UNC80: variants seen among roughly 807,000 people sequenced by gnomAD.
UNC80 encodes protein unc-80 homolog.
A neutral mutation model predicts 384.6 loss-of-function variants in UNC80; 164 were observed. The observed-to-expected ratio is 0.43, with a 90% CI of 0.38 to 0.49. The LOEUF (loss-of-function observed/expected upper bound fraction) is 0.49. Ranked by LOEUF, UNC80 falls within the 20% of genes least tolerant of loss-of-function variation. The pLI, the probability that UNC80 is intolerant of heterozygous loss-of-function variation, is 0.00. For missense variants in UNC80, 3,330 were observed against 4,143.0 expected, an observed-to-expected ratio of 0.80 and a Z score of 5.39; for synonymous variants, 1,486 against 1,527.8, an observed-to-expected ratio of 0.97 and a Z score of 0.64.
At chr2:209,790,869 T>C (rs1400371515) in intron 6 of UNC80, among the ~76,000 whole-genome samples, 4 of 152,306 alleles carry the variant, frequency 2.6e-5, no homozygotes, top group African/African-American at 9.6e-5. Flanking sequence ...TTTCAACTAG[T>C]ATAAAATAAA....
intron 21 of UNC80, among the ~76,000 whole-genome samples, chr2:209,848,642 G>A (rs1463921699): frequency 2.0e-5 from 3 of 152,114 alleles, no homozygotes; most frequent in African/African-American, 7.2e-5. Flanking sequence ...CAATACGATT[G>A]AGTCATTGTG....
intron 3 of UNC80, among the ~76,000 whole-genome samples, chr2:209,776,266 T>C (rs978230172): frequency 1.3e-5 from 2 of 152,226 alleles, no homozygotes; most frequent in African/African-American, 4.8e-5. Flanking sequence ...TTACAAGTAA[T>C]ATATGAATAT....
chr2:209,927,830 A>G (rs1031921204), intron 36 of UNC80, among the ~76,000 whole-genome samples: 5 of 152,202 alleles, frequency 3.3e-5, no homozygotes, highest in Non-Finnish European at 7.3e-5. Flanking sequence ...AGGACATTGT[A>G]CACTGATCAT....
Position 209,775,952 on chromosome 2 carries a change from A to T in UNC80, c.205A>T (p.Ile69Phe). The change falls in exon 3 of 65, where the codon ATC becomes TTC. Residue 69 changes from isoleucine to phenylalanine, a missense_variant. By Grantham distance (21) the Ile-to-Phe change is conservative. Around this residue, in one of 8 missense-constraint regions of UNC80, gnomAD observed 86 missense variants for 141.5 expected, o/e 0.61. Transcript: ENST00000673920. Reference sequence around the variant, plus strand: ...CCTCTCTCCAGCTCTCTCTGAAGCCATCCAGAGCATTTCCAGATGGGAACT... The same window carrying T: ...CCTCTCTCCAGCTCTCTCTGAAGCCTTCCAGAGCATTTCCAGATGGGAACT... Reference protein sequence around the residue: ...HGLSPALSEAIQSISRWELVQ... With the variant: ...HGLSPALSEAFQSISRWELVQ... The T allele has an allele frequency of 1.2e-6, 2 of 1,614,194 alleles. No individual in the cohort carries two copies. The highest frequency in any genetic ancestry group is 1.1e-5 in the South Asian group (1 of 91,086).
rs1364393848 is a variant in UNC80, at chr2:209,820,442, G to T, written c.2094G>T (p.Lys698Asn). 3.9e-6 allele frequency: 6 copies of T among 1,551,600 alleles called. No individual in the cohort carries two copies. Among genetic ancestry groups the T allele is most frequent in the Non-Finnish European group, 4.4e-6 (5 of 1,147,014 alleles). Residue 698 changes from lysine (K) to asparagine (N), a missense_variant, in exon 13 of 65, where the codon AAG (lysine) becomes AAT (asparagine). Lys to Asn is a moderately conservative substitution (Grantham distance 94, BLOSUM62 0). Transcript: ENST00000673920. The part of the protein sequence containing the change: ...VVPCVEKNRK[K>N]SENKENETLE... ...CCTGTGTAGAAAAGAATAGAAAGAA[G>T]AGTGAAAACAAGGAAAATGAGACCT...
chr2:209,978,241 G>T (rs940767821), intron 58 of UNC80, among the ~76,000 whole-genome samples: 2 of 152,044 alleles, frequency 1.3e-5, no homozygotes, highest in African/African-American at 4.8e-5. Context: ...ACCAACCTTG[G>T]AAAATAAAAT....
Position 209,904,966 on chromosome 2 carries a change from G to A in UNC80, c.4782+1G>A. 6.4e-7 allele frequency: 1 copy of A among 1,551,436 alleles called. No homozygotes were observed. The highest frequency in any genetic ancestry group is 8.7e-7 in the Non-Finnish European group (1 of 1,146,820). ...TCTCCGGGGCAAGAAACAGAAAGAA[G>A]TAAGTAAATGACCATTGAATGATAT... On this transcript the variant is annotated splice_donor_variant, in intron 29 of 64. Transcript: ENST00000673920. LOFTEE classifies it high-confidence loss of function.
chr2:209,965,350 T>G (rs963104201), intron 51 of UNC80, among the ~76,000 whole-genome samples: 1 of 152,148 alleles, frequency 6.6e-6, no homozygotes, highest in Non-Finnish European at 1.5e-5. Context: ...GGTTGAGAGA[T>G]GGGTATTTTG....
rs150227928 is a variant in UNC80, at chr2:209,826,649, C to T, written c.2478+596C>T. On this transcript the variant is annotated intron_variant, in intron 14 of 64. Transcript: ENST00000673920. ...AAACTCTGCATTTGGGCTTGCCAAACGTAATTCTGTACTGGAAATGGTCTT... is the reference window on the plus strand; with the variant it reads ...AAACTCTGCATTTGGGCTTGCCAAATGTAATTCTGTACTGGAAATGGTCTT... Among the ~76,000 whole-genome samples, 508 of 152,266 alleles carry T rather than the reference C, an allele frequency of 3.3e-3. 4 individuals are homozygous for T. Among genetic ancestry groups the T allele is most frequent in the Non-Finnish European group, 5.4e-3 (364 of 67,998 alleles).
At chr2:209,922,073 T>C (rs950489626) in intron 34 of UNC80, among the ~76,000 whole-genome samples, 179 bp from the exon 35 acceptor site, 2 of 152,220 alleles carry the variant, frequency 1.3e-5, no homozygotes, top group African/African-American at 4.8e-5. Context: ...TCGGGGGATA[T>C]TTTCTGTCTT....
intron 48 of UNC80, among the ~76,000 whole-genome samples, chr2:209,955,772 C>T (rs1421503703): frequency 7.4e-6 from 1 of 135,616 alleles, no homozygotes; most frequent in Non-Finnish European, 1.5e-5. Context: ...GAGAGACTGA[C>T]TCACTCTGTC....
At chr2:209,978,840 G>A (rs2093079849) in intron 59 of UNC80, 132 bp downstream of exon 59, 1 of 873,476 alleles carries the variant, frequency 1.1e-6, no homozygotes, top group Non-Finnish European at 1.6e-6. Context: ...GAGTTCTAGG[G>A]GAAATGTGAC....
chr2:209,798,844 A>ATTTT (rs1167727452), intron 7 of UNC80, among the ~76,000 whole-genome samples: 1 of 126,642 alleles, frequency 7.9e-6, no homozygotes, highest in Non-Finnish European at 1.6e-5. Flanking sequence ...AGCCTGGCTA[A>ATTTT]TTTTTTTTTT....
chr2:209,982,537 G>A, intron 60 of UNC80: 2 of 434,948 alleles, frequency 4.6e-6, no homozygotes, highest in Non-Finnish European at 7.6e-6. Flanking sequence ...TCCAAGTATT[G>A]TCTCTCCTTA....
chr2:209,844,306 G>A (rs1453680881), intron 21 of UNC80, among the ~76,000 whole-genome samples: 1 of 152,086 alleles, frequency 6.6e-6, no homozygotes, highest in Admixed American at 6.5e-5. Context: ...AAGTATAACT[G>A]AGGCTTAAAC....
chr2:209,958,295 A>G (rs2092478071), intron 49 of UNC80, among the ~76,000 whole-genome samples: 1 of 152,308 alleles, frequency 6.6e-6, no homozygotes, highest in East Asian at 1.9e-4. Context: ...ATATTCCGAC[A>G]TACACAAAAA....
In UNC80 at chr2:209,878,036, A is replaced by G; in HGVS notation, c.3923A>G (p.Glu1308Gly). Residue 1308 changes from glutamate (E) to glycine (G), a missense_variant, in exon 24 of 65, where the codon GAG becomes GGG. By Grantham distance (98) the Glu-to-Gly change is moderately conservative. This residue lies in a region of UNC80 where 801 missense variants were observed against 950.8 expected (regional missense o/e 0.84). Coordinates refer to ENST00000673920, the MANE Select transcript of UNC80 (RefSeq NM_001371986.1). Reference protein sequence around the residue: ...ANLLGLIYDEETKRRLRKEDE... With the variant: ...ANLLGLIYDEGTKRRLRKEDE... The stretch of plus-strand genomic sequence containing the variant: ...CTGCTGGGTCTCATTTACGATGAAG[A>G]GACCAAGAGGAGACTTAGAAAGGAG... 6.5e-7 allele frequency: 1 copy of G among 1,546,104 alleles called. No individual in the cohort carries two copies. Among genetic ancestry groups the G allele is most frequent in the Non-Finnish European group, 8.7e-7 (1 of 1,144,400 alleles).
chr2:209,848,432 T>G (rs755444650), intron 21 of UNC80, among the ~76,000 whole-genome samples: 1 of 152,168 alleles, frequency 6.6e-6, no homozygotes, highest in African/African-American at 2.4e-5. Context: ...ATACTTTATC[T>G]TCTGAGCCAT....
chr2:209,807,564 C>A (rs1221438222), intron 7 of UNC80, among the ~76,000 whole-genome samples: 2 of 151,922 alleles, frequency 1.3e-5, no homozygotes, highest in African/African-American at 4.8e-5. Flanking sequence ...GGGGTTTCAC[C>A]GTGTTAGCCA....
Sources: allele counts gnomAD v4.1 joint callset (sites outside exome capture counted in the v4.1 genomes callset), GRCh38; gene constraint gnomAD v4.1.1; regional missense constraint gnomAD v4.1.1; transcripts MANE v1.5; gene names NCBI Gene and HGNC (gene_info 2026-07-23, HGNC 2026-07-21).